The following ZBTB25 variants were observed in gnomAD, a reference collection of about 807,000 sequenced individuals.
ZBTB25 encodes the protein zinc finger and BTB domain-containing protein 25.
Under a neutral mutation model 34.2 loss-of-function variants are expected in ZBTB25, and 20 were observed. That is an observed-to-expected ratio of 0.58 (90% confidence interval 0.41 to 0.85). The LOEUF is 0.85. Ranked by LOEUF, ZBTB25 falls within the 40% of genes least tolerant of loss-of-function variation. The pLI is 0.00. For synonymous variants in ZBTB25, 175 were observed against 186.4 expected (o/e 0.94, Z 0.50); for missense variants, 437 against 521.8 (o/e 0.84, Z 1.58).
At chr14:64,459,709 A>C in intron 2 of ZBTB25, 3 of 1,312,116 alleles carry the variant, frequency 2.3e-6, no homozygotes, top group Non-Finnish European at 2.9e-6. Flanking sequence ...AACAGGAAAC[A>C]TTTCAGTGCT....
At chr14:64,476,672 C>G (rs1268076252), downstream of ZBTB25, among the ~76,000 whole-genome samples, 1 of 152,108 alleles carries the variant, frequency 6.6e-6, no homozygotes, top group African/African-American at 2.4e-5. Flanking sequence ...TTAGAACTGC[C>G]TCGTACTCTA....
At chr14:64,471,155 T>C (rs1275057354) in intron 2 of ZBTB25, 3 of 116,442 alleles carry the variant, frequency 2.6e-5, no homozygotes, top group Non-Finnish European at 3.8e-5. Context: ...TTTTCTTTTC[T>C]TTTTTTTTTT....
Position 64,485,171 on chromosome 14 carries a change from T to C in ZBTB25, c.*1752A>G. 4.1e-6 allele frequency: 4 copies of C among 985,486 alleles called. No homozygotes were observed. The highest frequency in any genetic ancestry group is 4.8e-6 in the Non-Finnish European group (4 of 829,946). 61.0% of individuals were successfully genotyped at this position (985,486 alleles called of 1,614,324 possible). ...ACTGTTTACCTAGAGAAAACCTTTG[T>C]GTCCTTAGAATTAGCTGGATTACTC... is the stretch of plus-strand genomic sequence containing the variant. On this transcript the variant is annotated 3_prime_UTR_variant, in exon 3 of 3. Coordinates refer to ENST00000608382, the MANE Select transcript of ZBTB25 (RefSeq NM_006977.5).
chr14:64,486,250 C>G lies in ZBTB25; in HGVS notation c.*673G>C. On this transcript the variant is annotated 3_prime_UTR_variant, in exon 3 of 3. Coordinates refer to ENST00000608382, the MANE Select transcript of ZBTB25 (RefSeq NM_006977.5). ...CCGGGAGGCGGAGCTTGCAGTCAGC[C>G]GAGATCGCGCCACTGCGCCCCAGCC... The G allele has an allele frequency of 1.1e-6, 1 of 945,362 alleles. No homozygotes were observed. The highest frequency in any genetic ancestry group is 1.8e-5 in the African/African-American group (1 of 56,396). 58.6% of individuals were successfully genotyped at this position (945,362 alleles called of 1,614,324 possible).
chr14:64,497,030 T>G (rs2141049419), intron 1 of ZBTB25, among the ~76,000 whole-genome samples: 1 of 152,332 alleles, frequency 6.6e-6, no homozygotes, highest in East Asian at 1.9e-4. Flanking sequence ...AGACTGAGTT[T>G]AAACCCAGGG....
At chr14:64,494,741 C>T (rs947187498) in intron 1 of ZBTB25, among the ~76,000 whole-genome samples, 4 of 152,208 alleles carry the variant, frequency 2.6e-5, no homozygotes, top group African/African-American at 9.6e-5. Context: ...AAACATACCT[C>T]TTCCCTTTAC....
rs1287203001 is a variant in ZBTB25 at position 64,479,895 on chromosome 14, CTCTT to C, written c.*7024_*7027del. 6.6e-6 allele frequency: 1 copy of C among 152,520 alleles called. No individual in the cohort carries two copies. Among genetic ancestry groups the C allele is most frequent in the Non-Finnish European group, 1.5e-5 (1 of 68,254 alleles). The allele number at this position is 152,520 out of a possible 1,614,324, so 9.4% of individuals were successfully genotyped here. A position where few individuals can be genotyped will look rare whatever the true frequency, so the allele number is the denominator to read the frequency against. On this transcript the variant is annotated 3_prime_UTR_variant, in exon 3 of 3. Coordinates refer to ENST00000608382, the MANE Select transcript of ZBTB25 (RefSeq NM_006977.5). ...AACCTATTCCTTATAATCAATCAAT[CTCTT>C]TCTCTCTCTCAGTTCTACCTGTTGT...
chr14:64,490,122 C>T (rs1233648614), intron 2 of ZBTB25, among the ~76,000 whole-genome samples: 2 of 137,688 alleles, frequency 1.5e-5, no homozygotes, highest in Non-Finnish European at 3.0e-5. Flanking sequence ...GCAGGAGAAT[C>T]GCTTGTACCT....
intron 2 of ZBTB25, chr14:64,470,925 C>G (rs2078663583): frequency 6.0e-6 from 1 of 166,980 alleles, no homozygotes; most frequent in Non-Finnish European, 1.5e-5. Context: ...AGAGTAGATT[C>G]AAAGCCAGCC....
chr14:64,453,678 G>C, intron 2 of ZBTB25: 1 of 846,744 alleles, frequency 1.2e-6, no homozygotes, highest in South Asian at 1.4e-5. Flanking sequence ...CTCTGACCTA[G>C]AATGTGGCTA....
intron 2 of ZBTB25, among the ~76,000 whole-genome samples, chr14:64,489,592 G>A (rs966432695): frequency 6.7e-6 from 1 of 149,996 alleles, no homozygotes; most frequent in African/African-American, 2.5e-5. Flanking sequence ...CTGGAATGCA[G>A]TGGCGCGATC....
chr14:64,456,627 T>C (rs1596570491), intron 2 of ZBTB25, among the ~76,000 whole-genome samples: 1 of 152,196 alleles, frequency 6.6e-6, no homozygotes, highest in African/African-American at 2.4e-5. Flanking sequence ...TTTATCTTTA[T>C]AATGTCATCT....
chr14:64,458,016 A>T (rs939392319), intron 2 of ZBTB25: 3 of 616,320 alleles, frequency 4.9e-6, no homozygotes, highest in East Asian at 5.5e-5. Flanking sequence ...TTAGCATCCC[A>T]AGTAGCTGGA....
chr14:64,457,771 G>GT (rs1003724304), intron 2 of ZBTB25, among the ~76,000 whole-genome samples: 6 of 152,126 alleles, frequency 3.9e-5, no homozygotes, highest in Admixed American at 2.0e-4. Flanking sequence ...CAGTTTCTGA[G>GT]TTTTTTAACA....
chr14:64,502,762 C>T, intron 1 of ZBTB25: 3 of 973,122 alleles, frequency 3.1e-6, no homozygotes, highest in Middle Eastern at 5.3e-4. Context: ...TCTTAGCTAT[C>T]AAGAGGTGTA....
At chr14:64,491,975 C>G (rs1253682224) in intron 1 of ZBTB25, among the ~76,000 whole-genome samples, 1 of 151,758 alleles carries the variant, frequency 6.6e-6, no homozygotes. Flanking sequence ...AAAAATTAGC[C>G]AGGCACGGTG....
chr14:64,503,629 G>C, intron 1 of ZBTB25, 32 bp downstream of exon 1: 8 of 985,268 alleles, frequency 8.1e-6, no homozygotes, highest in Non-Finnish European at 9.6e-6. Context: ...TGAGCCCGGG[G>C]CAGCCCACAG....
intron 2 of ZBTB25, chr14:64,458,163 G>C (rs531040701): frequency 1.4e-6 from 2 of 1,397,152 alleles, no homozygotes; most frequent in African/African-American, 2.8e-5. Context: ...TTATAGGCGT[G>C]AGCCACTGTG....
At chr14:64,449,714 C>T in intron 2 of ZBTB25, 3 of 1,455,862 alleles carry the variant, frequency 2.1e-6, no homozygotes, top group East Asian at 2.4e-5. Flanking sequence ...CCCCATGCTT[C>T]GCAGCTTCAG....
Sources: allele counts gnomAD v4.1 joint callset (sites outside exome capture counted in the v4.1 genomes callset), GRCh38; gene constraint gnomAD v4.1.1; transcripts MANE v1.5; gene names NCBI Gene and HGNC (gene_info 2026-07-23, HGNC 2026-07-21).